Variants in SHISA9 observed in about 807,000 individuals in gnomAD.
The protein encoded by SHISA9 is shisa family member 9.
In SHISA9, 13 loss-of-function variants were observed where a neutral mutation model predicts 38.0. The ratio of observed to expected loss-of-function variants is 0.34; its 90% CI spans 0.22 to 0.54. The LOEUF (loss-of-function observed/expected upper bound fraction) is 0.54, where lower values mean the gene tolerates loss of function less well. Ranked by LOEUF, SHISA9 falls within the 20% of genes least tolerant of loss-of-function variation. The pLI is 0.91. For missense variants in SHISA9, 538 were observed against 575.8 expected (o/e 0.93, Z 0.67); for synonymous variants, 275 against 242.0 (o/e 1.14, Z -1.27).
the SHISA9 span, among the ~76,000 whole-genome samples, chr16:13,319,572 C>A: frequency 1.3e-5 from 2 of 152,156 alleles, no homozygotes; most frequent in Non-Finnish European, 2.9e-5. Context: ...AGCCCAGCTT[C>A]AAGTGAGCCT....
At chr16:13,528,811 A>T in the SHISA9 span, among the ~76,000 whole-genome samples, 1 of 152,236 alleles carries the variant, frequency 6.6e-6, no homozygotes, top group African/African-American at 2.4e-5. Flanking sequence ...AGCACTTAGC[A>T]TATGCTCAAT....
chr16:13,056,916 G>A (rs191906390), intron 2 of SHISA9, among the ~76,000 whole-genome samples: 21 of 152,350 alleles, frequency 1.4e-4, no homozygotes, highest in Admixed American at 8.5e-4. Context: ...TAGACACAGC[G>A]GGGCTTAGGG....
intron 2 of SHISA9, among the ~76,000 whole-genome samples, chr16:13,052,834 C>CT (rs2073267435): frequency 6.6e-6 from 1 of 152,114 alleles, no homozygotes; most frequent in South Asian, 2.1e-4. Flanking sequence ...GAAGCTTTCA[C>CT]TATGGGTGTG....
intron 3 of SHISA9, among the ~76,000 whole-genome samples, chr16:13,212,310 G>T (rs8047055): frequency 0.27 from 41,061 of 152,080 alleles, 6,361 homozygotes; most frequent in African/African-American, 0.42. Context: ...CGTGGGTAGG[G>T]TTGCCCCACT....
chr16:13,073,134 T>G (rs2073537951), intron 2 of SHISA9, among the ~76,000 whole-genome samples: 1 of 151,990 alleles, frequency 6.6e-6, no homozygotes, highest in Non-Finnish European at 1.5e-5. Flanking sequence ...CTCTGAGGGA[T>G]GAAATTGTTC....
intron 2 of SHISA9, among the ~76,000 whole-genome samples, chr16:12,985,739 T>C (rs2072299619): frequency 6.6e-6 from 1 of 152,318 alleles, no homozygotes; most frequent in East Asian, 1.9e-4. Flanking sequence ...CCTTTCACCA[T>C]TTTTGTGGTC....
the SHISA9 span, among the ~76,000 whole-genome samples, chr16:13,315,555 A>G: frequency 6.6e-6 from 1 of 152,334 alleles, no homozygotes; most frequent in East Asian, 1.9e-4. Flanking sequence ...ACTTGAGACA[A>G]ACAGACTTCC....
intron 4 of SHISA9, among the ~76,000 whole-genome samples, chr16:13,215,179 TC>T (rs533664528): frequency 7.4e-4 from 113 of 152,308 alleles, no homozygotes; most frequent in Non-Finnish European, 1.4e-3. Context: ...CCAATGGTTC[TC>T]ACGTTGTAAC....
At chr16:13,243,756 G>T (rs1335438681), downstream of SHISA9, among the ~76,000 whole-genome samples, 1 of 145,666 alleles carries the variant, frequency 6.9e-6, no homozygotes, top group Admixed American at 6.9e-5. Flanking sequence ...TTTTATTTTT[G>T]GTTTACAGCA....
At position 13,027,590 on chromosome 16, in the gene SHISA9, A is replaced by C. The variant is rs865784743; in HGVS notation, c.691+110775A>C. 2.6e-5 allele frequency among the ~76,000 whole-genome samples: 4 copies of C among 152,312 alleles called. No individual in the cohort carries two copies. In the South Asian group the frequency reaches 8.3e-4, roughly 32 times the overall value. ...TAAACAAACTGTGGTACATCCACAC[A>C]ATGGAATAATTCTCGGCAATAAAAA... On this transcript the variant is annotated intron_variant, in intron 2 of 4. Coordinates refer to ENST00000558583, the MANE Select transcript of SHISA9 (RefSeq NM_001145204.3).
At chr16:13,148,299 G>A (rs900723366) in intron 2 of SHISA9, among the ~76,000 whole-genome samples, 1 of 151,898 alleles carries the variant, frequency 6.6e-6, no homozygotes, top group Non-Finnish European at 1.5e-5. Flanking sequence ...ACTCACATAG[G>A]CAAGAGCAGA....
the SHISA9 span, among the ~76,000 whole-genome samples, chr16:13,271,124 C>T: frequency 1.0e-3 from 152 of 152,200 alleles, no homozygotes; most frequent in Non-Finnish European, 1.8e-3. Context: ...GTCTGACACC[C>T]AAATCAAATG....
At chr16:13,415,701 A>G in the SHISA9 span, among the ~76,000 whole-genome samples, 1 of 152,242 alleles carries the variant, frequency 6.6e-6, no homozygotes, top group African/African-American at 2.4e-5. Flanking sequence ...AGAATGGATT[A>G]TCCAGAAAGA....
chr16:13,455,488 G>C, the SHISA9 span, among the ~76,000 whole-genome samples: 1 of 152,224 alleles, frequency 6.6e-6, no homozygotes, highest in Non-Finnish European at 1.5e-5. Context: ...ATGTTCACAT[G>C]GTGGATGAGA....
the SHISA9 span, among the ~76,000 whole-genome samples, chr16:13,487,951 A>G: frequency 6.6e-6 from 1 of 152,200 alleles, no homozygotes; most frequent in Non-Finnish European, 1.5e-5. Context: ...AGAAAGGAGA[A>G]TCTCTTTTAA....
the SHISA9 span, among the ~76,000 whole-genome samples, chr16:13,523,644 G>C: frequency 6.6e-6 from 1 of 152,078 alleles, no homozygotes; most frequent in African/African-American, 2.4e-5. Flanking sequence ...ACACACTTTT[G>C]AACGATCAGA....
the SHISA9 span, among the ~76,000 whole-genome samples, chr16:13,449,843 G>A: frequency 4.6e-5 from 7 of 152,156 alleles, no homozygotes; most frequent in Non-Finnish European, 7.3e-5. Flanking sequence ...AGGTCTGGGC[G>A]CTGTGGCTCA....
At chr16:13,041,835 A>C (rs1310268262) in intron 2 of SHISA9, among the ~76,000 whole-genome samples, 1 of 152,196 alleles carries the variant, frequency 6.6e-6, no homozygotes, top group East Asian at 1.9e-4. Context: ...GGGACTCAGG[A>C]ATCTGCAATT....
chr16:13,081,533 A>C (rs1268833727), intron 2 of SHISA9, among the ~76,000 whole-genome samples: 4 of 152,114 alleles, frequency 2.6e-5, no homozygotes, highest in African/African-American at 9.7e-5. Flanking sequence ...GCAAGCCTTC[A>C]AGGTATTTTT....
Sources: allele counts gnomAD v4.1 joint callset (sites outside exome capture counted in the v4.1 genomes callset), GRCh38; gene constraint gnomAD v4.1.1; transcripts MANE v1.5; gene names NCBI Gene and HGNC (gene_info 2026-07-23, HGNC 2026-07-21).